Variants in ATL2 observed in about 807,000 individuals in gnomAD.
The protein encoded by ATL2 is atlastin GTPase 2, also known as atlastin-2.
A neutral mutation model predicts 73.9 loss-of-function variants in ATL2; 31 were observed. The observed-to-expected ratio is 0.42, with a 90% confidence interval of 0.32 to 0.57. The LOEUF (loss-of-function observed/expected upper bound fraction) is 0.57, where lower values mean the gene tolerates loss of function less well. Ranked by LOEUF, ATL2 falls within the 20% of genes least tolerant of loss-of-function variation. The pLI, the probability that ATL2 is intolerant of heterozygous loss-of-function variation, is 0.14. For missense variants in ATL2, 738 were observed against 702.6 expected (o/e 1.05, Z -0.57); for synonymous variants, 291 against 237.5 (o/e 1.23, Z -2.07).
chr2:38,319,973 T>C (rs1486392879), intron 2 of ATL2, among the ~76,000 whole-genome samples: 2 of 152,032 alleles, frequency 1.3e-5, no homozygotes, highest in Non-Finnish European at 2.9e-5. Context: ...CCAGGTGTTG[T>C]GGCATATGCC....
chr2:38,295,909 A>C lies in ATL2; in HGVS notation c.*85T>G. The C allele has an allele frequency of 7.7e-6, 9 of 1,176,238 alleles. No homozygotes were observed. In the South Asian group the frequency reaches 1.2e-4, roughly 15 times the overall value. 72.9% of individuals were successfully genotyped at this position (1,176,238 alleles called of 1,614,324 possible). Reference sequence around the variant, plus strand: ...CTAAACTACTTCTACAGTTGATTGTAAACTTTGGTTTATTTTTATTTGAGT... The same window carrying C: ...CTAAACTACTTCTACAGTTGATTGTCAACTTTGGTTTATTTTTATTTGAGT... On this transcript the variant is annotated 3_prime_UTR_variant, in exon 13 of 13. Coordinates refer to ENST00000378954, the MANE Select transcript of ATL2 (RefSeq NM_001135673.4).
At chr2:38,345,650 T>A (rs1669976090) in intron 1 of ATL2, among the ~76,000 whole-genome samples, 1 of 152,204 alleles carries the variant, frequency 6.6e-6, no homozygotes, top group Non-Finnish European at 1.5e-5. Context: ...TTTGAATGCA[T>A]GCAAAAAGTG....
chr2:38,369,034 T>A (rs1017036273), intron 1 of ATL2, among the ~76,000 whole-genome samples: 2 of 152,230 alleles, frequency 1.3e-5, no homozygotes, highest in African/African-American at 2.4e-5. Context: ...TTTACCTATA[T>A]GTTGGCATTT....
At position 38,297,343 on chromosome 2, in the gene ATL2, T is replaced by C. The variant is rs920201184; in HGVS notation, c.1632+801A>G. Among the ~76,000 whole-genome samples, 7 of 152,346 alleles carry C rather than the reference T, an allele frequency of 4.6e-5. No homozygotes were observed. In the East Asian group the frequency reaches 1.2e-3, roughly 25 times the overall value. On this transcript the variant is annotated intron_variant, in intron 12 of 12. Coordinates refer to ENST00000378954, the MANE Select transcript of ATL2 (RefSeq NM_001135673.4). ...CAAAAATGGCATCTCAAATGCCTATTATAGCGTTCGTCATTAATAACCGTA... is the reference window on the plus strand; with the variant it reads ...CAAAAATGGCATCTCAAATGCCTATCATAGCGTTCGTCATTAATAACCGTA...
Position 38,343,524 on chromosome 2 carries a change from A to C in ATL2, c.119-12T>G. 6.3e-7 allele frequency: 1 copy of C among 1,598,852 alleles called. No individual in the cohort carries two copies. Among genetic ancestry groups the C allele is most frequent in the Non-Finnish European group, 8.5e-7 (1 of 1,173,384 alleles). Reference sequence around the variant, plus strand: ...TTCATAATTCTCACCTAGAATTTAAAAAGAAAGAAACTGGTTACTTTAATC... The same window carrying C: ...TTCATAATTCTCACCTAGAATTTAACAAGAAAGAAACTGGTTACTTTAATC... On this transcript the variant is annotated splice_polypyrimidine_tract_variant and intron_variant, in intron 1 of 12. Coordinates refer to ENST00000378954, the MANE Select transcript of ATL2 (RefSeq NM_001135673.4).
At chr2:38,358,169 G>C (rs939244690) in intron 1 of ATL2, among the ~76,000 whole-genome samples, 2 of 152,140 alleles carry the variant, frequency 1.3e-5, no homozygotes, top group African/African-American at 2.4e-5. Flanking sequence ...TGTTTAGGAT[G>C]TAAGTGTCAT....
intron 2 of ATL2, among the ~76,000 whole-genome samples, chr2:38,334,962 TTAAA>T (rs933613144): frequency 9.4e-5 from 3 of 31,916 alleles, no homozygotes; most frequent in African/African-American, 2.2e-4. Context: ...ATAAATATAA[TTAAA>T]TAAGCTAAAC....
In ATL2 at chr2:38,336,954, T is replaced by C. The variant is rs142402908; in HGVS notation, c.363+6314A>G. ...TCAAACTTGAGTCTGATGAAGTCTC[T>C]AGATTCAACTAACAACTTACAGAAG... On this transcript the variant is annotated intron_variant, in intron 2 of 12. Transcript: ENST00000378954. Among the ~76,000 whole-genome samples the C allele has an allele frequency of 2.4e-3, 368 of 152,304 alleles. 3 individuals carry two copies. The highest frequency in any genetic ancestry group is 0.017 in the Admixed American group (267 of 15,290).
intron 1 of ATL2, among the ~76,000 whole-genome samples, chr2:38,346,438 C>T (rs1670019349): frequency 6.6e-6 from 1 of 152,112 alleles, no homozygotes; most frequent in African/African-American, 2.4e-5. Flanking sequence ...AGGTCCCGTA[C>T]TCACCGCCAA....
intron 1 of ATL2, among the ~76,000 whole-genome samples, chr2:38,348,666 A>G (rs1202971859): frequency 6.6e-6 from 1 of 151,720 alleles, no homozygotes; most frequent in Non-Finnish European, 1.5e-5. Context: ...GCCAAAATTG[A>G]CAAATGGTAT....
chr2:38,372,169 T>G (rs905361519), intron 1 of ATL2, among the ~76,000 whole-genome samples: 1 of 147,962 alleles, frequency 6.8e-6, no homozygotes, highest in Non-Finnish European at 1.5e-5. Context: ...AGACCCAAGT[T>G]AGATTTTGCA....
rs748303608 is a variant in ATL2 at position 38,298,435 on chromosome 2, C to G, written c.1341G>C (p.Gln447His). ...GDEFCRRYQD[Q>H]LEAEIEETYA... is the part of the protein sequence containing the mutation. ...AGGTTTCTTCAATTTCAGCTTCAAG[C>G]TGGTCCTGATAACGACGGCAGAACT... The change falls in exon 12 of 13, where the codon CAG becomes CAC. Residue 447 changes from glutamine to histidine, a missense_variant. Physicochemically the swap from Gln to His is conservative, Grantham distance 24. Transcript: ENST00000378954. 34 of 1,614,082 alleles carry G rather than the reference C, an allele frequency of 2.1e-5. 1 individual carries two copies. The highest frequency in any genetic ancestry group is 2.7e-5 in the Non-Finnish European group (32 of 1,180,034).
intron 1 of ATL2, among the ~76,000 whole-genome samples, chr2:38,355,383 T>C (rs1186403264): frequency 6.6e-6 from 1 of 152,174 alleles, no homozygotes; most frequent in Non-Finnish European, 1.5e-5. Flanking sequence ...CCCAAAGTGC[T>C]GGGATTACAG....
At chr2:38,320,719 A>G (rs1327067232) in intron 2 of ATL2, among the ~76,000 whole-genome samples, 1 of 152,214 alleles carries the variant, frequency 6.6e-6, no homozygotes, top group Non-Finnish European at 1.5e-5. Flanking sequence ...TACTTCTAAT[A>G]AGCTTGGATA....
At chr2:38,342,723 A>T (rs372704704) in intron 2 of ATL2, among the ~76,000 whole-genome samples, 1 of 152,194 alleles carries the variant, frequency 6.6e-6, no homozygotes, top group African/African-American at 2.4e-5. Flanking sequence ...GAAAGAAGAT[A>T]AACAGTACTT....
chr2:38,373,109 G>T (rs1297619997), intron 1 of ATL2, among the ~76,000 whole-genome samples: 1 of 152,096 alleles, frequency 6.6e-6, no homozygotes, highest in Non-Finnish European at 1.5e-5. Context: ...CCTTGTTACG[G>T]ATTATCACTA....
chr2:38,335,728 T>C (rs572082974), intron 2 of ATL2, among the ~76,000 whole-genome samples: 1 of 152,298 alleles, frequency 6.6e-6, no homozygotes, highest in South Asian at 2.1e-4. Flanking sequence ...ACTTTATGTA[T>C]GTAAGTTACA....
intron 2 of ATL2, among the ~76,000 whole-genome samples, chr2:38,342,159 A>G (rs892851214): frequency 1.3e-5 from 2 of 151,876 alleles, no homozygotes; most frequent in Admixed American, 1.3e-4. Context: ...AGTCAGGGAG[A>G]GATAGGTAAG....
intron 7 of ATL2, among the ~76,000 whole-genome samples, chr2:38,312,921 T>G (rs1667837492): frequency 6.6e-6 from 1 of 152,106 alleles, no homozygotes; most frequent in South Asian, 2.1e-4. Context: ...GGGGCTACCT[T>G]TAGGAATAAA....
Sources: gnomAD v4.1 joint callset for allele counts (sites outside exome capture counted in the v4.1 genomes callset) on GRCh38, gnomAD v4.1.1 for gene constraint, MANE v1.5 for transcripts, NCBI Gene and HGNC (gene_info 2026-07-23, HGNC 2026-07-21) for gene names.